The following ATXN8OS variants were observed in gnomAD, a reference collection of about 807,000 sequenced individuals.
ATXN8OS encodes the protein ATXN8 opposite strand lncRNA, also known as ATXN8 opposite strand (non-protein coding).
intron 3 of ATXN8OS, chr13:70,131,008 A>ATTG: frequency 2.5e-6 from 1 of 398,504 alleles, no homozygotes; most frequent in Admixed American, 4.4e-5. Context: ...AATTGACTGA[A>ATTG]TATCTTAAAG....
In ATXN8OS at chr13:70,139,377, A is replaced by ACTGCTGCTG. The variant is rs879063589; in HGVS notation, n.500-7976_500-7975insGCTGCTGCT. The ACTGCTGCTG allele has an allele frequency of 2.6e-3, 1,699 of 645,754 alleles. 17 individuals carry two copies. Among genetic ancestry groups the ACTGCTGCTG allele is most frequent in the East Asian group, 0.026 (822 of 32,188 alleles). 40.0% of individuals were successfully genotyped at this position (645,754 alleles called of 1,614,324 possible). On this transcript the variant is annotated intron_variant and non_coding_transcript_variant, in intron 3 of 4. Transcript: ENST00000678624. ...TACTACTACTACTACTACTACTACTACTACTACTGCTGCTGCTGCTGCTGC... is the reference window on the plus strand; with the variant it reads ...TACTACTACTACTACTACTACTACTACTGCTGCTGCTACTACTGCTGCTGCTGCTGCTGC...
At chr13:70,162,587 C>G (rs1040964519) in intron 4 of ATXN8OS, among the ~76,000 whole-genome samples, 1 of 151,930 alleles carries the variant, frequency 6.6e-6, no homozygotes, top group Non-Finnish European at 1.5e-5. Context: ...CTGATCGATT[C>G]GTTCATACTC....
At chr13:70,170,043 C>A (rs1031463514) in exon 5 of ATXN8OS, among the ~76,000 whole-genome samples, 4 of 152,120 alleles carry the variant, frequency 2.6e-5, no homozygotes, top group African/African-American at 7.2e-5. Context: ...TGGTTGTGAA[C>A]AGCGAGAGAA....
At chr13:70,154,423 T>A (rs1888911227) in intron 4 of ATXN8OS, among the ~76,000 whole-genome samples, 1 of 152,206 alleles carries the variant, frequency 6.6e-6, no homozygotes, top group Non-Finnish European at 1.5e-5. Flanking sequence ...TAATTCTGCA[T>A]CTGCTATTTT....
At chr13:70,160,100 T>A (rs908678676) in intron 4 of ATXN8OS, among the ~76,000 whole-genome samples, 1 of 152,174 alleles carries the variant, frequency 6.6e-6, no homozygotes, top group Non-Finnish European at 1.5e-5. Flanking sequence ...TAAAATAGAA[T>A]ATGCCAGAAT....
At chr13:70,134,929 G>A (rs1389860136) in intron 3 of ATXN8OS, among the ~76,000 whole-genome samples, 2 of 152,174 alleles carry the variant, frequency 1.3e-5, no homozygotes, top group Admixed American at 1.3e-4. Context: ...ATCCCCACAC[G>A]AGGTGATAAG....
intron 2 of ATXN8OS, among the ~76,000 whole-genome samples, chr13:70,126,478 T>C (rs1479596756): frequency 6.6e-6 from 1 of 152,064 alleles, no homozygotes; most frequent in Non-Finnish European, 1.5e-5. Context: ...GCTCTCTCTT[T>C]CTCCATACAG....
intron 3 of ATXN8OS, among the ~76,000 whole-genome samples, chr13:70,135,721 C>T (rs1888605278): frequency 6.6e-6 from 1 of 152,120 alleles, no homozygotes; most frequent in African/African-American, 2.4e-5. Flanking sequence ...GCAGAATTAT[C>T]TTGGTGACAC....
At chr13:70,165,931 A>G (rs1266923136) in intron 4 of ATXN8OS, among the ~76,000 whole-genome samples, 4 of 152,054 alleles carry the variant, frequency 2.6e-5, no homozygotes, top group African/African-American at 9.7e-5. Context: ...TAATAATAGC[A>G]CATCAATTAG....
chr13:70,115,027 CGT>C (rs36110832), intron 1 of ATXN8OS: 143,484 of 349,290 alleles, frequency 0.41, 18,556 homozygotes, highest in South Asian at 0.52. Context: ...CTCTTTCTAA[CGT>C]GTGTGTGTGT....
intron 2 of ATXN8OS, among the ~76,000 whole-genome samples, chr13:70,125,419 A>G (rs1246641153): frequency 2.0e-5 from 3 of 152,138 alleles, no homozygotes; most frequent in African/African-American, 7.2e-5. Context: ...CTTACGAGGT[A>G]AACGCCATAC....
At chr13:70,148,820 C>G (rs146264583) in intron 4 of ATXN8OS, among the ~76,000 whole-genome samples, 1 of 151,960 alleles carries the variant, frequency 6.6e-6, no homozygotes, top group African/African-American at 2.4e-5. Context: ...TCTTTAAGGG[C>G]CAATATAATA....
At chr13:70,135,048 G>T (rs575931743) in intron 3 of ATXN8OS, among the ~76,000 whole-genome samples, 1 of 152,178 alleles carries the variant, frequency 6.6e-6, no homozygotes. Flanking sequence ...CTGCAAGGAC[G>T]AGACTACCTA....
At chr13:70,167,833 T>G (rs1300670458) in intron 4 of ATXN8OS, among the ~76,000 whole-genome samples, 1 of 145,182 alleles carries the variant, frequency 6.9e-6, no homozygotes, top group Admixed American at 7.2e-5. Flanking sequence ...CCTCCTGGGT[T>G]CACGCCATTC....
At chr13:70,139,377 A>ACTACTACTACTACTACTG in intron 3 of ATXN8OS, 3 of 645,384 alleles carry the variant, frequency 4.6e-6, no homozygotes, top group Non-Finnish European at 7.8e-6. Context: ...TACTACTACT[A>ACTACTACTACTACTACTG]CTACTACTGC....
At chr13:70,108,289 C>G (rs962627752) in intron 1 of ATXN8OS, 1 of 360,952 alleles carries the variant, frequency 2.8e-6, no homozygotes. Flanking sequence ...GAGGATGCCC[C>G]GATAGCCTGC....
upstream of ATXN8OS, chr13:70,107,764 G>A: frequency 1.6e-6 from 2 of 1,279,432 alleles, no homozygotes; most frequent in Non-Finnish European, 2.1e-6. Flanking sequence ...GCAGGTGGGG[G>A]AGGACAGCGG....
At chr13:70,143,168 A>G (rs1888739916) in intron 3 of ATXN8OS, among the ~76,000 whole-genome samples, 1 of 152,166 alleles carries the variant, frequency 6.6e-6, no homozygotes, top group Non-Finnish European at 1.5e-5. Context: ...ACTTGCTGAT[A>G]AAATAATTAA....
chr13:70,151,153 A>G (rs988738876), intron 4 of ATXN8OS, among the ~76,000 whole-genome samples: 2 of 152,006 alleles, frequency 1.3e-5, no homozygotes, highest in African/African-American at 2.4e-5. Flanking sequence ...TTGCTGTAAA[A>G]GCACAACATG....
Sources: allele counts gnomAD v4.1 joint callset (sites outside exome capture counted in the v4.1 genomes callset), GRCh38; gene constraint gnomAD v4.1.1; transcripts MANE v1.5; gene names NCBI Gene and HGNC (gene_info 2026-07-23, HGNC 2026-07-21).